Variants in PCNX1 observed in about 807,000 individuals in gnomAD.
The protein encoded by PCNX1 is pecanex-like protein 1.
A neutral mutation model predicts 242.2 loss-of-function variants in PCNX1; 78 were observed. That is an observed-to-expected ratio of 0.32 (90% CI 0.27 to 0.39). The LOEUF (loss-of-function observed/expected upper bound fraction) is 0.39, where lower values mean the gene tolerates loss of function less well. Among genes scored for constraint, PCNX1 ranks in the 10% least tolerant of loss-of-function variants. PCNX1 has a pLI of 1.00. For synonymous variants in PCNX1, 1,024 were observed against 1,032.9 expected, an observed-to-expected ratio of 0.99 and a Z score of 0.17; for missense variants, 2,581 against 2,856.5, an observed-to-expected ratio of 0.90 and a Z score of 2.20.
Position 71,108,811 on chromosome 14 carries a change from C to T in PCNX1, c.6509C>T (p.Ser2170Leu), listed in dbSNP as rs867124221. ...CCATCATCCATCCAATCCCGACTGT[C>T]GATGGTGAACCAAATGGAACCCTCA... Reference protein sequence around the residue: ...NLPSSIQSRLSMVNQMEPSGQ... With the variant: ...NLPSSIQSRLLMVNQMEPSGQ... The change falls in exon 34 of 36, where the codon TCG (serine) becomes TTG (leucine). Residue 2170 changes from serine to leucine, a missense_variant. Coordinates refer to ENST00000304743, the MANE Select transcript of PCNX1 (RefSeq NM_014982.3). 4 of 1,614,248 alleles carry T rather than the reference C, an allele frequency of 2.5e-6. No homozygotes were observed. Among genetic ancestry groups the T allele is most frequent in the Non-Finnish European group, 3.4e-6 (4 of 1,180,046 alleles).
At chr14:71,045,072 G>A in intron 19 of PCNX1, 61 bp from the exon 20 acceptor site, 1 of 1,236,800 alleles carries the variant, frequency 8.1e-7, no homozygotes. Flanking sequence ...TGACAAATTA[G>A]AATTTCTACA....
rs1019208819 is a variant in PCNX1, at chr14:70,960,497, G to A, written c.363-1729G>A. ...CATGCTAAAAACTCTCAATAAATTA[G>A]GTATCGATGGGACGTATCTCAAAAT... On this transcript the variant is annotated intron_variant, in intron 2 of 35. Transcript: ENST00000304743. Among the ~76,000 whole-genome samples the A allele has an allele frequency of 4.6e-5, 7 of 152,212 alleles. No individual in the cohort carries two copies. The South Asian group carries it at 1.5e-3, about 32-fold the overall frequency.
At chr14:70,978,744 T>C in intron 6 of PCNX1, 96 bp downstream of exon 6, 1 of 1,071,730 alleles carries the variant, frequency 9.3e-7, no homozygotes, top group East Asian at 2.5e-5. Flanking sequence ...CTGTTAATAT[T>C]CCCCCTTCCA....
At position 71,089,219 on chromosome 14, in the gene PCNX1, G is replaced by T; in HGVS notation, c.5466G>T (p.Leu1822Phe). 6.2e-7 allele frequency: 1 copy of T among 1,610,566 alleles called. No homozygotes were observed. Among genetic ancestry groups the T allele is most frequent in the Non-Finnish European group, 8.5e-7 (1 of 1,177,332 alleles). Residue 1822 changes from leucine (L) to phenylalanine (F), a missense_variant, in exon 30 of 36, where the codon TTG (leucine) becomes TTT (phenylalanine). This residue lies in a region of PCNX1 where 298 missense variants were observed against 480.1 expected (regional missense o/e 0.62). Transcript: ENST00000304743. ...SSNLESFLYGLHALFKGDFRI... is the reference protein window; with the variant it reads ...SSNLESFLYGFHALFKGDFRI... ...ATTTAGAGTCATTCCTCTATGGATT[G>T]CATGCCCTATTTAAAGGAGATTTCC...
chr14:70,912,120 A>G (rs1451062408), intron 1 of PCNX1, among the ~76,000 whole-genome samples: 1 of 152,066 alleles, frequency 6.6e-6, no homozygotes, highest in African/African-American at 2.4e-5. Context: ...CTGTAGTCCC[A>G]GCTACTCGGG....
At position 71,026,532 on chromosome 14, in the gene PCNX1, T is replaced by C. The variant is rs2060248583; in HGVS notation, c.3356-240T>C. Among the ~76,000 whole-genome samples, 3 of 152,126 alleles carry C rather than the reference T, an allele frequency of 2.0e-5. No individual in the cohort carries two copies. The South Asian group carries it at 6.2e-4, about 31-fold the overall frequency. Reference sequence around the variant, plus strand: ...GCAGAAGATTTTTTTGGTTTTGTTATCTTAGGTTTCTATTATGTGAAAATG... The same window carrying C: ...GCAGAAGATTTTTTTGGTTTTGTTACCTTAGGTTTCTATTATGTGAAAATG... On this transcript the variant is annotated intron_variant, in intron 14 of 35. Coordinates refer to ENST00000304743, the MANE Select transcript of PCNX1 (RefSeq NM_014982.3).
At chr14:71,049,858 G>A (rs554156002) in intron 22 of PCNX1, among the ~76,000 whole-genome samples, 2 of 152,308 alleles carry the variant, frequency 1.3e-5, no homozygotes, top group South Asian at 4.1e-4. Context: ...TCTTGGACAA[G>A]TACAGCAACT....
intron 26 of PCNX1, among the ~76,000 whole-genome samples, chr14:71,072,482 C>T (rs1223950275): frequency 6.6e-6 from 1 of 152,148 alleles, no homozygotes; most frequent in Non-Finnish European, 1.5e-5. Flanking sequence ...CTGTGCTAAA[C>T]AGCACAGCTC....
rs762285984 is a variant in PCNX1 at position 71,114,335 on chromosome 14, A to G, written c.*4400A>G. ...AGGCCGTCTTATTTTTACTTGTTAAATGTCTGTCTAGGAAGAACTGTGATT... is the reference window on the plus strand; with the variant it reads ...AGGCCGTCTTATTTTTACTTGTTAAGTGTCTGTCTAGGAAGAACTGTGATT... On this transcript the variant is annotated 3_prime_UTR_variant, in exon 36 of 36. Coordinates refer to ENST00000304743, the MANE Select transcript of PCNX1 (RefSeq NM_014982.3). The G allele has an allele frequency of 3.9e-5, 6 of 152,176 alleles. No individual in the cohort carries two copies. Among genetic ancestry groups the G allele is most frequent in the African/African-American group, 1.4e-4 (6 of 41,446 alleles). 9.4% of individuals were successfully genotyped at this position (152,176 alleles called of 1,614,324 possible). A position where few individuals can be genotyped will look rare whatever the true frequency, so the allele number is the denominator to read the frequency against.
At chr14:70,932,831 C>T (rs183179830) in intron 1 of PCNX1, among the ~76,000 whole-genome samples, 1 of 151,960 alleles carries the variant, frequency 6.6e-6, no homozygotes, top group African/African-American at 2.4e-5. Context: ...AGGCTGGTCT[C>T]GAACTCCCGA....
rs1449089993 is a variant in PCNX1, at chr14:70,907,626, G to A, written c.-225G>A. ...GGTCTCCTCCTCTCCGCCGTCCTCC[G>A]CCCCGCCGCTCGCCGCCTCCTCCTC... is the stretch of plus-strand genomic sequence containing the variant. On this transcript the variant is annotated 5_prime_UTR_variant, in exon 1 of 36. Transcript: ENST00000304743. 1 of 314,360 alleles carries A rather than the reference G, an allele frequency of 3.2e-6. No individual in the cohort carries two copies. Among genetic ancestry groups the A allele is most frequent in the South Asian group, 1.4e-4 (1 of 7,136 alleles). 19.5% of individuals were successfully genotyped at this position (314,360 alleles called of 1,614,324 possible).
chr14:71,036,165 A>C lies in PCNX1; in HGVS notation c.3867+8A>C. 6.6e-7 allele frequency: 1 copy of C among 1,520,878 alleles called. No homozygotes were observed. Among genetic ancestry groups the C allele is most frequent in the Non-Finnish European group, 9.1e-7 (1 of 1,095,222 alleles). The allele number at this position is 1,520,878 out of a possible 1,614,324, so 94.2% of individuals were successfully genotyped here. A position where few individuals can be genotyped will look rare whatever the true frequency, so the allele number is the denominator to read the frequency against. On this transcript the variant is annotated splice_region_variant and intron_variant, in intron 19 of 35. Transcript: ENST00000304743. ...GTCTTCACAGTATTGCAGGTAAGGAATCATTTTCTCCTTTTATTTGTTTGT... is the reference window on the plus strand; with the variant it reads ...GTCTTCACAGTATTGCAGGTAAGGACTCATTTTCTCCTTTTATTTGTTTGT...
intron 2 of PCNX1, among the ~76,000 whole-genome samples, chr14:70,949,913 T>C (rs2057710518): frequency 6.6e-6 from 1 of 152,214 alleles, no homozygotes; most frequent in South Asian, 2.1e-4. Context: ...ATCCCTGATT[T>C]ACAGATGTGG....
At chr14:71,074,586 A>T (rs1370412344) in intron 27 of PCNX1, among the ~76,000 whole-genome samples, 1 of 152,164 alleles carries the variant, frequency 6.6e-6, no homozygotes, top group African/African-American at 2.4e-5. Flanking sequence ...GGCTGTACTC[A>T]CGGGCTGTTG....
At position 71,076,224 on chromosome 14, in the gene PCNX1, A is replaced by G. The variant is rs1358587443; in HGVS notation, c.5142A>G (p.Leu1714=). ...ATTATGTTACGACCTCGTCTAAGCT[A>G]GAGGAGTGGCTAGCTAATGAGACAA... ...IIYYVTTSSK[L]EEWLANETMQ... Residue 1714 remains leucine (L), a synonymous_variant, in exon 28 of 36, where the codon CTA becomes CTG. Coordinates refer to ENST00000304743, the MANE Select transcript of PCNX1 (RefSeq NM_014982.3). 10 of 1,612,064 alleles carry G rather than the reference A, an allele frequency of 6.2e-6. No individual in the cohort carries two copies. The African/African-American group carries it at 1.3e-4, about 22-fold the overall frequency.
rs112075932 is a variant in PCNX1 at position 70,925,738 on chromosome 14, A to C, written c.153+17735A>C. Among the ~76,000 whole-genome samples, 5 of 152,160 alleles carry C rather than the reference A, an allele frequency of 3.3e-5. No individual in the cohort carries two copies. In the South Asian group the frequency reaches 1.0e-3, roughly 32 times the overall value. On this transcript the variant is annotated intron_variant, in intron 1 of 35. Transcript: ENST00000304743. ...TATACCCATGCACCATATGCTTTCA[A>C]ATGTTCTCATTTAATCCTCATCATA...
chr14:70,964,761 T>C (rs1376204292), intron 3 of PCNX1, among the ~76,000 whole-genome samples: 5 of 152,348 alleles, frequency 3.3e-5, no homozygotes, highest in African/African-American at 9.6e-5. Flanking sequence ...GATTAAAGCA[T>C]GTGTGCATGT....
chr14:70,987,589 T>C lies in PCNX1; in HGVS notation c.2312-978T>C, dbSNP rs143054086. Among the ~76,000 whole-genome samples the C allele has an allele frequency of 5.9e-5, 9 of 152,334 alleles. No individual in the cohort carries two copies. In the East Asian group the frequency reaches 1.7e-3, roughly 29 times the overall value. On this transcript the variant is annotated intron_variant, in intron 6 of 35. Coordinates refer to ENST00000304743, the MANE Select transcript of PCNX1 (RefSeq NM_014982.3). ...CTTGTGTTTTTATTCATATTTAGCATCAAAATGCCCTTTCTCAAAAGCAAA... is the reference window on the plus strand; with the variant it reads ...CTTGTGTTTTTATTCATATTTAGCACCAAAATGCCCTTTCTCAAAAGCAAA...
rs1393062718 is a variant in PCNX1 at position 70,991,203 on chromosome 14, CTT to C, written c.2444+2522_2444+2523del. On this transcript the variant is annotated intron_variant, in intron 7 of 35. Transcript: ENST00000304743. ...TTCAAATGAGGATGTTGTGTACTAC[CTT>C]TTTTTTTTTTTTTTTTTGAGACGGA... 1.6e-3 allele frequency among the ~76,000 whole-genome samples: 204 copies of C among 124,282 alleles called. 1 individual carries two copies. The highest frequency in any genetic ancestry group is 5.1e-3 in the African/African-American group (168 of 32,876). The allele number at this position is 124,282 out of a possible 152,430, so 81.5% of individuals were successfully genotyped here. A position where few individuals can be genotyped will look rare whatever the true frequency, so the allele number is the denominator to read the frequency against.
Sources: gnomAD v4.1 joint callset for allele counts (sites outside exome capture counted in the v4.1 genomes callset) on GRCh38, gnomAD v4.1.1 for gene constraint, gnomAD v4.1.1 regional missense constraint, MANE v1.5 for transcripts, NCBI Gene and HGNC (gene_info 2026-07-23, HGNC 2026-07-21) for gene names.